Variants in FCRLB observed in about 807,000 individuals in gnomAD.
FCRLB encodes Fc receptor like B.
A neutral mutation model predicts 33.6 loss-of-function variants in FCRLB; 34 were observed. The observed-to-expected ratio is 1.01, with a 90% confidence interval of 0.77 to 1.35. FCRLB has a LOEUF of 1.35. Among genes scored for constraint, FCRLB ranks in the 40% most tolerant of loss-of-function variants. The pLI, the probability that FCRLB is intolerant of heterozygous loss-of-function variation, is 0.00. For synonymous variants in FCRLB, 280 were observed against 255.9 expected (o/e 1.09, Z -0.90); for missense variants, 560 against 580.2 (o/e 0.97, Z 0.36).
In FCRLB at chr1:161,726,452, T is replaced by G. The variant is rs1447747556; in HGVS notation, c.575-251T>G. ...TCTAGGCTGCAGAACCCGAGCTGAGTGTCAGTCGGGATGTGACATGAAGCG... is the reference window on the plus strand; with the variant it reads ...TCTAGGCTGCAGAACCCGAGCTGAGGGTCAGTCGGGATGTGACATGAAGCG... On this transcript the variant is annotated intron_variant, in intron 6 of 7. Transcript: ENST00000367948. The surrounding 1 kb of genome is among the most constrained non-coding windows in gnomAD (Gnocchi z 5.2). 1 of 726,802 alleles carries G rather than the reference T, an allele frequency of 1.4e-6. No individual in the cohort carries two copies. The highest frequency in any genetic ancestry group is 1.5e-5 in the South Asian group (1 of 67,200). The allele number at this position is 726,802 out of a possible 1,614,324, so 45.0% of individuals were successfully genotyped here. A position where few individuals can be genotyped will look rare whatever the true frequency, so the allele number is the denominator to read the frequency against.
At chr1:161,722,999 T>G (rs538950909) in exon 4 of FCRLB, 1 of 1,613,908 alleles carries the variant, frequency 6.2e-7, no homozygotes, top group East Asian at 2.2e-5. Flanking sequence ...TTCCAAGCAG[T>G]GGGCAAGCTG....
chr1:161,727,838 G>C (rs1163137729), exon 8 of FCRLB: 1 of 679,508 alleles, frequency 1.5e-6, no homozygotes, highest in African/African-American at 1.8e-5. Flanking sequence ...GTTTGTAACC[G>C]CAAGCATTCT....
At chr1:161,725,842 C>T (rs576557871) in exon 6 of FCRLB, 7 of 1,612,012 alleles carry the variant, frequency 4.3e-6, no homozygotes, top group Admixed American at 3.3e-5. Flanking sequence ...CTGCAAGTGC[C>T]CTATGCGCCA....
In FCRLB at chr1:161,726,766, G is replaced by A; in HGVS notation, c.638G>A (p.Gly213Asp). 6.3e-7 allele frequency: 1 copy of A among 1,583,736 alleles called. No individual in the cohort carries two copies. The highest frequency in any genetic ancestry group is 8.6e-7 in the Non-Finnish European group (1 of 1,168,252). Residue 213 changes from glycine (G) to aspartate (D), a missense_variant, in exon 7 of 8, where the codon GGT becomes GAT. Physicochemically the swap from Gly to Asp is moderately conservative, Grantham distance 94 (BLOSUM62 -1). Transcript: ENST00000367948. This position sits in a 1 kb window ranked among gnomAD's most constrained non-coding sequence, Gnocchi z 5.2. ...CGGGAGGCCCGCGGCGCGGCGCTGGGTGGGGTGGTGCTGCGCTGCGACACG... is the reference window on the plus strand; with the variant it reads ...CGGGAGGCCCGCGGCGCGGCGCTGGATGGGGTGGTGCTGCGCTGCGACACG...
At chr1:161,727,541 G>A (rs774532819) in exon 8 of FCRLB, 5 of 1,614,014 alleles carry the variant, frequency 3.1e-6, no homozygotes, top group Non-Finnish European at 3.4e-6. Flanking sequence ...CTTCTGAGCC[G>A]GGTGGTCCTG....
rs1352377599 is a variant in FCRLB at position 161,726,899 on chromosome 1, C to G, written c.771C>G (p.Pro257=). 2.5e-6 allele frequency: 4 copies of G among 1,587,534 alleles called. No homozygotes were observed. The highest frequency in any genetic ancestry group is 3.4e-6 in the Non-Finnish European group (4 of 1,166,602). ...GCGCCGAGTACACAGTCCCGGAGCC[C>G]GAGGTCGAGGAGCTCGAATCGTACT... Residue 257 remains proline (P), a synonymous_variant, in exon 7 of 8, where the codon CCC becomes CCG. Transcript: ENST00000367948. This position sits in a 1 kb window ranked among gnomAD's most constrained non-coding sequence, Gnocchi z 5.2.
rs1413292703 is a variant in FCRLB at position 161,726,929 on chromosome 1, C to T, written c.801C>T (p.Cys267=). The T allele has an allele frequency of 1.9e-6, 3 of 1,562,768 alleles. No homozygotes were observed. Among genetic ancestry groups the T allele is most frequent in the Admixed American group, 1.9e-5 (1 of 52,198 alleles). The change falls in exon 7 of 8, where the codon TGC becomes TGT. Residue 267 remains cysteine (C), a synonymous_variant. Transcript: ENST00000367948. This position sits in a 1 kb window ranked among gnomAD's most constrained non-coding sequence, Gnocchi z 5.2. The stretch of plus-strand genomic sequence containing the variant: ...TCGAGGAGCTCGAATCGTACTGGTG[C>T]GAGGCGGCTACCGCCACCCGCAGTG...
At chr1:161,727,222 G>A (rs1172937415) in intron 7 of FCRLB, 25 bp from the exon 8 acceptor site, 2 of 1,505,278 alleles carry the variant, frequency 1.3e-6, no homozygotes, top group Non-Finnish European at 1.8e-6. Context: ...CAAGCCGCGC[G>A]TGACTGGGCG....
In FCRLB at chr1:161,726,596, C is replaced by T. The variant is rs949483533; in HGVS notation, c.575-107C>T. 5 of 1,449,054 alleles carry T rather than the reference C, an allele frequency of 3.5e-6. No individual in the cohort carries two copies. The highest frequency in any genetic ancestry group is 2.8e-5 in the African/African-American group (2 of 71,392). 89.8% of individuals were successfully genotyped at this position (1,449,054 alleles called of 1,614,324 possible). ...ACGTGGACACACGGCCTCCTCCCCT[C>T]CCCCCTTGGTCTGTGGGTCTGCAAG... On this transcript the variant is annotated intron_variant, in intron 6 of 7. Coordinates refer to ENST00000367948, the Ensembl canonical transcript of FCRLB. This position sits in a 1 kb window ranked among gnomAD's most constrained non-coding sequence, Gnocchi z 5.2.
In FCRLB at chr1:161,726,239, C is replaced by A; in HGVS notation, c.574+152C>A. 1.5e-6 allele frequency: 2 copies of A among 1,307,652 alleles called. No homozygotes were observed. The highest frequency in any genetic ancestry group is 1.1e-6 in the Non-Finnish European group (1 of 933,584). 81.0% of individuals were successfully genotyped at this position (1,307,652 alleles called of 1,614,324 possible). A position where few individuals can be genotyped will look rare whatever the true frequency, so the allele number is the denominator to read the frequency against. On this transcript the variant is annotated intron_variant, in intron 6 of 7. Transcript: ENST00000367948. This position sits in a 1 kb window ranked among gnomAD's most constrained non-coding sequence, Gnocchi z 5.2. ...ATGGACGCTGTCTCCTCTCCTTTGC[C>A]GTGAAGCAGCGCTTGATCCGCCGCC...
intron 2 of FCRLB, 106 bp from the exon 3 acceptor site, chr1:161,722,547 T>A: frequency 9.8e-7 from 1 of 1,024,146 alleles, no homozygotes. Flanking sequence ...GAACTAGGAG[T>A]GGGTGGGAGA....
chr1:161,724,042 G>T (rs1208975662), intron 5 of FCRLB, among the ~76,000 whole-genome samples: 2 of 152,168 alleles, frequency 1.3e-5, no homozygotes, highest in Non-Finnish European at 2.9e-5. Context: ...TGAACAGTGT[G>T]ATGCTTCTCT....
chr1:161,723,735 C>T (rs1207398307), intron 5 of FCRLB, 114 bp downstream of exon 5: 3 of 1,453,174 alleles, frequency 2.1e-6, no homozygotes, highest in Non-Finnish European at 2.8e-6. Context: ...AAGGGCCACA[C>T]TGGGGCCTAT....
In FCRLB at chr1:161,726,255, A is replaced by C. The variant is rs1683555661; in HGVS notation, c.574+168A>C. 8.5e-7 allele frequency: 1 copy of C among 1,179,766 alleles called. No homozygotes were observed. The highest frequency in any genetic ancestry group is 1.5e-5 in the African/African-American group (1 of 66,338). 73.1% of individuals were successfully genotyped at this position (1,179,766 alleles called of 1,614,324 possible). Reference sequence around the variant, plus strand: ...CTCCTTTGCCGTGAAGCAGCGCTTGATCCGCCGCCTGCTTGGAGGCTGGTC... The same window carrying C: ...CTCCTTTGCCGTGAAGCAGCGCTTGCTCCGCCGCCTGCTTGGAGGCTGGTC... On this transcript the variant is annotated intron_variant, in intron 6 of 7. Transcript: ENST00000367948. The surrounding 1 kb of genome is among the most constrained non-coding windows in gnomAD (Gnocchi z 5.2).
At chr1:161,722,148 C>T (rs1683394102) in intron 2 of FCRLB, among the ~76,000 whole-genome samples, 2 of 152,124 alleles carry the variant, frequency 1.3e-5, no homozygotes, top group South Asian at 4.1e-4. Flanking sequence ...AGGATGTGAG[C>T]TCTGGGGGCA....
At chr1:161,723,136 C>G in intron 4 of FCRLB, 127 bp downstream of exon 4, 1 of 1,286,742 alleles carries the variant, frequency 7.8e-7, no homozygotes, top group East Asian at 2.4e-5. Context: ...CTCTCGTCAA[C>G]CCCTGGGACT....
exon 8 of FCRLB, chr1:161,727,365 C>T (rs868762276): frequency 6.2e-7 from 1 of 1,613,750 alleles, no homozygotes; most frequent in East Asian, 2.2e-5. Flanking sequence ...TCCCGTTGGT[C>T]ACCTCCGTCC....
rs945640513 is a variant in FCRLB, at chr1:161,726,791, G to C, written c.663G>C (p.Thr221=). 2 of 1,564,592 alleles carry C rather than the reference G, an allele frequency of 1.3e-6. No individual in the cohort carries two copies. Among genetic ancestry groups the C allele is most frequent in the African/African-American group, 1.4e-5 (1 of 73,596 alleles). Residue 221 remains threonine (T), a synonymous_variant, in exon 7 of 8, where the codon ACG becomes ACC. Coordinates refer to ENST00000367948, the Ensembl canonical transcript of FCRLB. The surrounding 1 kb of genome is among the most constrained non-coding windows in gnomAD (Gnocchi z 5.2). ...GTGGGGTGGTGCTGCGCTGCGACAC[G>C]CGCCTGCACCCGCAGAAGCGCGACA... is the stretch of plus-strand genomic sequence containing the variant.
Position 161,724,959 on chromosome 1 carries a change from G to C in FCRLB, c.308-862G>C, listed in dbSNP as rs567970368. 2.6e-5 allele frequency among the ~76,000 whole-genome samples: 4 copies of C among 152,322 alleles called. No homozygotes were observed. In the South Asian group the frequency reaches 8.3e-4, roughly 32 times the overall value. ...CAGGTGAACTTAAACAGGTGAAAGAGAGTCTTCTTGGCTGAGGAAATAGCA... is the reference window on the plus strand; with the variant it reads ...CAGGTGAACTTAAACAGGTGAAAGACAGTCTTCTTGGCTGAGGAAATAGCA... On this transcript the variant is annotated intron_variant, in intron 5 of 7. Coordinates refer to ENST00000367948, the Ensembl canonical transcript of FCRLB.
Sources: gnomAD v4.1 joint callset for allele counts (sites outside exome capture counted in the v4.1 genomes callset) on GRCh38, gnomAD v4.1.1 for gene constraint, Gnocchi (gnomAD v3.1) non-coding constraint, MANE v1.5 for transcripts, NCBI Gene and HGNC (gene_info 2026-07-23, HGNC 2026-07-21) for gene names.